NRXN1: variants seen among roughly 807,000 people sequenced by gnomAD.
The protein encoded by NRXN1 is neurexin-1.
Under a neutral mutation model 150.9 loss-of-function variants are expected in NRXN1, and 39 were observed. The observed-to-expected ratio is 0.26, with a 90% CI of 0.20 to 0.34. The LOEUF (loss-of-function observed/expected upper bound fraction) is 0.34. Among genes scored for constraint, NRXN1 ranks in the 10% least tolerant of loss-of-function variants. The pLI is 1.00. For synonymous variants in NRXN1, 924 were observed against 757.0 expected (o/e 1.22, Z -3.62); for missense variants, 1,815 against 1,949.9 (o/e 0.93, Z 1.30).
In NRXN1 at chr2:50,972,015, G is replaced by C. The variant is rs567557072; in HGVS notation, c.773-46060C>G. 1.7e-4 allele frequency among the ~76,000 whole-genome samples: 26 copies of C among 151,858 alleles called. No individual in the cohort carries two copies. The South Asian group carries it at 5.4e-3, about 32-fold the overall frequency. On this transcript the variant is annotated intron_variant, in intron 2 of 22. Transcript: ENST00000401669. ...AAAGAATTTCAGTAAGAGGGAAGAA[G>C]AGATATCCTGGAGACTCAAAATATC...
At position 50,472,167 on chromosome 2, in the gene NRXN1, T is replaced by A. The variant is rs2075234; in HGVS notation, c.3244+131A>T. ...GTTTATGAGATAAAAAATTAAAAAC[T>A]TGAATAAGGATGTCTAAGCCCAAAT... On this transcript the variant is annotated intron_variant, in intron 16 of 22. Transcript: ENST00000401669. The A allele has an allele frequency of 0.54, 343,910 of 631,792 alleles. 95,557 individuals carry two copies. The highest frequency in any genetic ancestry group is 0.6 in the African/African-American group (32,007 of 52,966). 39.1% of individuals were successfully genotyped at this position (631,792 alleles called of 1,614,324 possible).
chr2:50,751,410 A>C (rs1217584253), intron 5 of NRXN1, among the ~76,000 whole-genome samples: 1 of 152,040 alleles, frequency 6.6e-6, no homozygotes, highest in Non-Finnish European at 1.5e-5. Context: ...ATCAGGACCT[A>C]TACAAACACT....
At chr2:50,155,364 C>T (rs1452193283) in intron 18 of NRXN1, among the ~76,000 whole-genome samples, 1 of 150,724 alleles carries the variant, frequency 6.6e-6, no homozygotes, top group Admixed American at 6.6e-5. Context: ...TGCTTGGGGC[C>T]CTCAGGCATA....
chr2:49,927,360 T>C (rs1218444819), intron 22 of NRXN1, among the ~76,000 whole-genome samples: 1 of 152,212 alleles, frequency 6.6e-6, no homozygotes, highest in East Asian at 1.9e-4. Flanking sequence ...TCTGGTGATA[T>C]GATGGGGGCA....
At chr2:50,868,164 T>C (rs1181408785) in intron 5 of NRXN1, among the ~76,000 whole-genome samples, 1 of 76,510 alleles carries the variant, frequency 1.3e-5, no homozygotes, top group Non-Finnish European at 3.0e-5. Context: ...TATATATATA[T>C]ATATATATAT....
chr2:50,786,911 C>A (rs1207018138), intron 5 of NRXN1, among the ~76,000 whole-genome samples: 1 of 152,106 alleles, frequency 6.6e-6, no homozygotes, highest in Non-Finnish European at 1.5e-5. Flanking sequence ...GAAAATTCTT[C>A]ATTTGTTTCT....
intron 11 of NRXN1, among the ~76,000 whole-genome samples, chr2:50,530,533 T>C (rs6545178): frequency 0.88 from 134,368 of 152,114 alleles, 59,745 homozygotes; most frequent in African/African-American, 0.97. Flanking sequence ...ATAATTCATC[T>C]AGATTGGTGA....
chr2:50,188,922 G>C (rs373743956), intron 18 of NRXN1, among the ~76,000 whole-genome samples: 44 of 152,214 alleles, frequency 2.9e-4, no homozygotes, highest in African/African-American at 1.1e-3. Flanking sequence ...GTTTTTGGGA[G>C]TGTAAATTAG....
At chr2:50,843,835 C>A (rs1673225311) in intron 5 of NRXN1, among the ~76,000 whole-genome samples, 1 of 152,136 alleles carries the variant, frequency 6.6e-6, no homozygotes, top group South Asian at 2.1e-4. Context: ...CTTCTCTGAA[C>A]CCCTTCCCTC....
chr2:50,469,260 G>C (rs926210374), intron 16 of NRXN1, among the ~76,000 whole-genome samples: 10 of 151,514 alleles, frequency 6.6e-5, no homozygotes, highest in African/African-American at 2.4e-4. Flanking sequence ...AATCTAAGTA[G>C]ACTTCGACGG....
intron 17 of NRXN1, among the ~76,000 whole-genome samples, chr2:50,316,455 G>A (rs1208288506): frequency 6.6e-6 from 1 of 151,970 alleles, no homozygotes; most frequent in Admixed American, 6.6e-5. Context: ...GTCAAGCAAC[G>A]GAAGATCTTG....
chr2:50,683,646 A>AAAAAAAAAAAAATATAT lies in NRXN1; in HGVS notation c.833-60032_833-60031insATATATTTTTTTTTTTT. Reference sequence around the variant, plus strand: ...GACTCCGTCTCAAAAAAAAAAAAAAAATATATATATATATATATATGTTAT... The same window carrying AAAAAAAAAAAAATATAT: ...GACTCCGTCTCAAAAAAAAAAAAAAAAAAAAAAAAAAATATATATATATATATATATATATATGTTAT... On this transcript the variant is annotated intron_variant, in intron 5 of 22. Transcript: ENST00000401669. 8.7e-4 allele frequency among the ~76,000 whole-genome samples: 13 copies of AAAAAAAAAAAAATATAT among 14,906 alleles called. 2 individuals carry two copies. The highest frequency in any genetic ancestry group is 4.7e-3 in the African/African-American group (13 of 2,780). 9.8% of individuals were successfully genotyped at this position (14,906 alleles called of 152,430 possible). A position where few individuals can be genotyped will look rare whatever the true frequency, so the allele number is the denominator to read the frequency against.
intron 21 of NRXN1, among the ~76,000 whole-genome samples, chr2:50,015,200 C>G (rs1322283583): frequency 6.6e-6 from 1 of 152,002 alleles, no homozygotes; most frequent in Non-Finnish European, 1.5e-5. Flanking sequence ...TTCCAAGTAT[C>G]CCTAGATTGT....
At chr2:50,728,424 T>C (rs542645026) in intron 5 of NRXN1, among the ~76,000 whole-genome samples, 18 of 152,298 alleles carry the variant, frequency 1.2e-4, no homozygotes, top group South Asian at 4.1e-4. Flanking sequence ...TTCAATTGCT[T>C]TTCCCTACAG....
At chr2:50,197,194 T>G (rs759802631) in intron 18 of NRXN1, among the ~76,000 whole-genome samples, 1 of 152,122 alleles carries the variant, frequency 6.6e-6, no homozygotes, top group Non-Finnish European at 1.5e-5. Flanking sequence ...AGCTGCCAAA[T>G]CTTTGTTTTT....
At position 50,260,589 on chromosome 2, in the gene NRXN1, A is replaced by G. The variant is rs2068155116; in HGVS notation, c.3365-23619T>C. ...CAATCACTTTTTTTAATGCAAAGCA[A>G]ACACCGATGACAAAAGAAGTTCAAG... On this transcript the variant is annotated intron_variant, in intron 17 of 22. Coordinates refer to ENST00000401669, the MANE Select transcript of NRXN1 (RefSeq NM_001330078.2). 2.0e-5 allele frequency among the ~76,000 whole-genome samples: 3 copies of G among 151,372 alleles called. No individual in the cohort carries two copies. In the Admixed American group the frequency reaches 2.0e-4, roughly 10 times the overall value.
At chr2:50,975,856 G>T (rs552347428) in intron 2 of NRXN1, among the ~76,000 whole-genome samples, 1 of 152,050 alleles carries the variant, frequency 6.6e-6, no homozygotes, top group African/African-American at 2.4e-5. Context: ...AAGAGCAGTC[G>T]AGGGAGATAT....
chr2:50,610,642 C>CATACATAT lies in NRXN1; in HGVS notation c.1320+9379_1320+9380insATATGTAT, dbSNP rs1553879967. On this transcript the variant is annotated intron_variant, in intron 8 of 22. Transcript: ENST00000401669. The stretch of plus-strand genomic sequence containing the variant: ...GCCTGGCACATACTATAAATAGATA[C>CATACATAT]ATATATATATATATATATATATATA... Among the ~76,000 whole-genome samples the CATACATAT allele has an allele frequency of 6.3e-4, 27 of 42,862 alleles. 1 individual carries two copies. Among genetic ancestry groups the CATACATAT allele is most frequent in the African/African-American group, 1.8e-3 (24 of 13,322 alleles). The allele number at this position is 42,862 out of a possible 152,430, so 28.1% of individuals were successfully genotyped here. A position where few individuals can be genotyped will look rare whatever the true frequency, so the allele number is the denominator to read the frequency against.
At chr2:50,378,989 G>C (rs1043808814) in intron 17 of NRXN1, among the ~76,000 whole-genome samples, 3 of 152,132 alleles carry the variant, frequency 2.0e-5, no homozygotes, top group African/African-American at 7.2e-5. Flanking sequence ...TATGGACCTT[G>C]CCTTGGTCAT....
Sources: allele counts gnomAD v4.1 joint callset (sites outside exome capture counted in the v4.1 genomes callset), GRCh38; gene constraint gnomAD v4.1.1; transcripts MANE v1.5; gene names NCBI Gene and HGNC (gene_info 2026-07-23, HGNC 2026-07-21).